The following MTMR8 variants were observed in gnomAD, a reference collection of about 807,000 sequenced individuals.
The protein encoded by MTMR8 is phosphatidylinositol-3,5-bisphosphate 3-phosphatase MTMR8.
In MTMR8, 65 loss-of-function variants were observed where a neutral mutation model predicts 39.3. The observed-to-expected ratio is 1.65, with a 90% CI of 1.35 to 2.03. The LOEUF (loss-of-function observed/expected upper bound fraction) is 2.03, where lower values mean the gene tolerates loss of function less well. MTMR8 is among the 30% of genes most tolerant of loss of function. The probability of loss-of-function intolerance (pLI) is 0.00; values close to 1 mark genes in which losing one functional copy is unlikely to be tolerated. For missense variants in MTMR8, 777 were observed against 538.9 expected, an observed-to-expected ratio of 1.44 and a Z score of -4.37; for synonymous variants, 245 against 185.2, an observed-to-expected ratio of 1.32 and a Z score of -2.62.
chrX:64,374,631 T>G (rs1273661245), intron 1 of MTMR8, among the ~76,000 whole-genome samples: 1 of 111,713 alleles, frequency 9.0e-6, no homozygotes, highest in Non-Finnish European at 1.9e-5. Context: ...TGAAAAAGGT[T>G]GCTGAACACC....
rs1160419137 is a variant in MTMR8, at chrX:64,362,017, T to C, written c.25-2490A>G. Reference sequence around the variant, plus strand: ...ATATCAACCACAAAAGTCAATAACATTTTCCTATATCAGCAACGATCACTT... The same window carrying C: ...ATATCAACCACAAAAGTCAATAACACTTTCCTATATCAGCAACGATCACTT... On this transcript the variant is annotated intron_variant, in intron 1 of 13. Coordinates refer to ENST00000374852, the MANE Select transcript of MTMR8 (RefSeq NM_017677.4). Among the ~76,000 whole-genome samples the C allele has an allele frequency of 3.6e-5, 4 of 110,755 alleles. No homozygotes were observed. In the Admixed American group the frequency reaches 3.8e-4, roughly 11 times the overall value.
chrX:64,369,655 C>T (rs944778139), intron 1 of MTMR8, among the ~76,000 whole-genome samples: 1 of 111,058 alleles, frequency 9.0e-6, no homozygotes, highest in Admixed American at 9.6e-5. Flanking sequence ...AGGAGAAATA[C>T]CTAATGTAAA....
At chrX:64,363,655 G>A (rs1288245990) in intron 1 of MTMR8, among the ~76,000 whole-genome samples, 3 of 111,889 alleles carry the variant, frequency 2.7e-5, no homozygotes, top group Non-Finnish European at 5.6e-5. Context: ...GCTACAGTCT[G>A]CAGCTCCCAG....
intron 1 of MTMR8, among the ~76,000 whole-genome samples, chrX:64,366,404 G>A (rs775813120): frequency 1.2e-4 from 13 of 111,993 alleles, no homozygotes; most frequent in African/African-American, 3.2e-4. Context: ...ACAACAAACT[G>A]TCTCTCAGAC....
In MTMR8 at chrX:64,269,045, T is replaced by A; in HGVS notation, c.1609-2A>T. On this transcript the variant is annotated splice_acceptor_variant, in intron 13 of 13. Transcript: ENST00000374852. LOFTEE classifies it high-confidence loss of function. ...TGGCTCATCACGGACTTTTAGTTTC[T>A]GCCTCAGGAGCAAGAAAGGGTTGAG... 1.7e-6 allele frequency: 2 copies of A among 1,205,813 alleles called. No homozygotes were observed. Among genetic ancestry groups the A allele is most frequent in the Non-Finnish European group, 2.2e-6 (2 of 892,586 alleles).
chrX:64,314,581 C>T (rs1922408774), intron 12 of MTMR8, among the ~76,000 whole-genome samples: 2 of 113,044 alleles, frequency 1.8e-5, no homozygotes, highest in Non-Finnish European at 3.8e-5. Context: ...TGCCAAGGCT[C>T]CAACTGCAAT....
At chrX:64,301,920 G>C (rs758713174) in intron 12 of MTMR8, among the ~76,000 whole-genome samples, 18 of 111,884 alleles carry the variant, frequency 1.6e-4, no homozygotes, top group East Asian at 1.4e-3. Context: ...GTAGTCTGCC[G>C]GTTCTCAGAT....
rs1193968241 is a variant in MTMR8, at chrX:64,302,135, C to A, written c.1481+26637G>T. 3.5e-5 allele frequency among the ~76,000 whole-genome samples: 4 copies of A among 112,830 alleles called. No individual in the cohort carries two copies. In the East Asian group the frequency reaches 8.4e-4, roughly 24 times the overall value. ...GGCTGCTTTGTTTACCTGAGCAAGC[C>A]TGGGCAATGGCGGGCGCCCCTCCCC... is the stretch of plus-strand genomic sequence containing the variant. On this transcript the variant is annotated intron_variant, in intron 12 of 13. Coordinates refer to ENST00000374852, the MANE Select transcript of MTMR8 (RefSeq NM_017677.4).
chrX:64,360,289 C>G, intron 1 of MTMR8: 1 of 253,261 alleles, frequency 3.9e-6, no homozygotes, highest in Non-Finnish European at 7.3e-6. Context: ...ATAATACAGT[C>G]TCGAACTATA....
chrX:64,285,777 C>G (rs755098648), intron 12 of MTMR8, among the ~76,000 whole-genome samples: 1 of 111,095 alleles, frequency 9.0e-6, no homozygotes, highest in East Asian at 2.8e-4. Context: ...TTGAAACCAA[C>G]GAGAACAAAG....
At chrX:64,324,219 A>C (rs1012095338) in intron 12 of MTMR8, among the ~76,000 whole-genome samples, 1 of 110,999 alleles carries the variant, frequency 9.0e-6, no homozygotes, top group Admixed American at 9.6e-5. Flanking sequence ...AAGATTAGCC[A>C]GGTGTGGTTG....
intron 1 of MTMR8, among the ~76,000 whole-genome samples, chrX:64,370,702 T>C (rs2147240895): frequency 8.9e-6 from 1 of 112,232 alleles, no homozygotes; most frequent in African/African-American, 3.2e-5. Flanking sequence ...ATAGGCTATA[T>C]ACCACATAGC....
chrX:64,292,417 G>T (rs1038396414), intron 12 of MTMR8, among the ~76,000 whole-genome samples: 1 of 111,246 alleles, frequency 9.0e-6, no homozygotes, highest in Non-Finnish European at 1.9e-5. Flanking sequence ...GTAGGTGCAT[G>T]TTGGACCTCG....
chrX:64,371,398 C>A (rs888315189), intron 1 of MTMR8, among the ~76,000 whole-genome samples: 1 of 111,705 alleles, frequency 9.0e-6, no homozygotes, highest in Non-Finnish European at 1.9e-5. Context: ...ATTTGAAAAA[C>A]ATCAAATACT....
intron 12 of MTMR8, among the ~76,000 whole-genome samples, chrX:64,281,820 GAATTTACAAGGAACTTAAACA>G (rs1490042960): frequency 1.2e-3 from 124 of 105,295 alleles, no homozygotes; most frequent in African/African-American, 4.1e-3. Context: ...CTAATATCCA[GAATTTACAAGGAACTTAAACA>G]AATTTACAAG....
At chrX:64,285,031 T>C (rs181365436) in intron 12 of MTMR8, among the ~76,000 whole-genome samples, 180 of 111,424 alleles carry the variant, frequency 1.6e-3, no homozygotes, top group African/African-American at 5.6e-3. Context: ...GACTGGCAAA[T>C]TGGATAAAGA....
At chrX:64,351,563 T>G (rs1027843204) in intron 4 of MTMR8, among the ~76,000 whole-genome samples, 1 of 110,593 alleles carries the variant, frequency 9.0e-6, no homozygotes, top group African/African-American at 3.3e-5. Flanking sequence ...AATCAAAAGG[T>G]AAAGTCCCAC....
intron 12 of MTMR8, among the ~76,000 whole-genome samples, chrX:64,295,437 A>G (rs1602113015): frequency 8.9e-6 from 1 of 111,795 alleles, no homozygotes; most frequent in Non-Finnish European, 1.9e-5. Context: ...CATGACACTA[A>G]AAGCACAGGC....
chrX:64,371,454 A>C (rs1282454807), intron 1 of MTMR8, among the ~76,000 whole-genome samples: 1 of 112,102 alleles, frequency 8.9e-6, no homozygotes, highest in Non-Finnish European at 1.9e-5. Flanking sequence ...TGCTGATTGC[A>C]ATGCTATATC....
Sources: gnomAD v4.1 joint callset for allele counts (sites outside exome capture counted in the v4.1 genomes callset) on GRCh38, gnomAD v4.1.1 for gene constraint, MANE v1.5 for transcripts, NCBI Gene and HGNC (gene_info 2026-07-23, HGNC 2026-07-21) for gene names.